Variants in DYM observed in about 807,000 individuals in gnomAD.
DYM encodes the protein dymeclin, also known as dyggve-Melchior-Clausen syndrome protein.
Under a neutral mutation model 93.1 loss-of-function variants are expected in DYM, and 78 were observed. That is an observed-to-expected ratio of 0.84 (90% CI 0.70 to 1.01). The LOEUF (loss-of-function observed/expected upper bound fraction) is 1.01, where lower values mean the gene tolerates loss of function less well. Ranked by LOEUF, DYM falls within the 50% of genes least tolerant of loss-of-function variation. The pLI is 0.00. For synonymous variants in DYM, 321 were observed against 319.7 expected (o/e 1.00, Z -0.04); for missense variants, 789 against 845.0 (o/e 0.93, Z 0.82).
At chr18:49,185,039 T>C (rs962641749) in intron 14 of DYM, among the ~76,000 whole-genome samples, 90 of 152,274 alleles carry the variant, frequency 5.9e-4, no homozygotes, top group African/African-American at 2.1e-3. Context: ...GACCTGAAGA[T>C]GCTGTGTGTG....
intron 13 of DYM, among the ~76,000 whole-genome samples, chr18:49,218,823 C>A (rs1357700775): frequency 6.6e-6 from 1 of 152,100 alleles, no homozygotes; most frequent in African/African-American, 2.4e-5. Context: ...AAAATTGACA[C>A]CCTAACATCA....
In DYM at chr18:49,118,751, A is replaced by G. The variant is rs1213729222; in HGVS notation, c.1904T>C (p.Ile635Thr). The change falls in exon 16 of 18, where the codon ATT (isoleucine) becomes ACT (threonine). Residue 635 changes from isoleucine to threonine, a missense_variant. Around this residue, in one of 3 missense-constraint regions of DYM, gnomAD observed 114 missense variants for 105.8 expected, o/e 1.08. Coordinates refer to ENST00000675505, the MANE Select transcript of DYM (RefSeq NM_001353214.3). The stretch of plus-strand genomic sequence containing the variant: ...GTCTTCATTTACACTCACCAGATCA[A>G]TATTTTGCATTATATCCTGAAATGA... ...HPSFQDIMQN[I>T]DLVISFFSSR... 4.3e-6 allele frequency: 7 copies of G among 1,613,590 alleles called. No homozygotes were observed. Among genetic ancestry groups the G allele is most frequent in the Admixed American group, 1.7e-5 (1 of 59,994 alleles).
chr18:49,223,137 A>T (rs746338740), intron 13 of DYM, among the ~76,000 whole-genome samples: 8 of 152,132 alleles, frequency 5.3e-5, no homozygotes, highest in Non-Finnish European at 7.4e-5. Context: ...GAACAAATTG[A>T]AGGACACAGG....
At chr18:49,203,278 G>T (rs2092245141) in intron 14 of DYM, among the ~76,000 whole-genome samples, 1 of 55,676 alleles carries the variant, frequency 1.8e-5, no homozygotes, top group African/African-American at 4.9e-5. Context: ...AGGAGGTGAG[G>T]GGCGCCTCTG....
chr18:49,296,862 T>C (rs1196567925), intron 8 of DYM, among the ~76,000 whole-genome samples: 1 of 152,218 alleles, frequency 6.6e-6, no homozygotes, highest in East Asian at 1.9e-4. Context: ...TATGATCATC[T>C]GCACCACTGT....
At chr18:49,258,605 G>T in intron 11 of DYM, 112 bp from the exon 12 acceptor site, 1 of 735,562 alleles carries the variant, frequency 1.4e-6, no homozygotes, top group East Asian at 2.7e-5. Context: ...GGTGAGTTAA[G>T]CAGCACAGAC....
intron 17 of DYM, among the ~76,000 whole-genome samples, chr18:49,064,223 G>C (rs1248339000): frequency 6.6e-6 from 1 of 152,070 alleles, no homozygotes; most frequent in African/African-American, 2.4e-5. Context: ...TGCCATGCCT[G>C]GAAAAGTAGC....
chr18:49,441,055 T>TATA (rs1568452935), intron 1 of DYM, among the ~76,000 whole-genome samples: 1 of 7,318 alleles, frequency 1.4e-4, no homozygotes, highest in African/African-American at 3.3e-4. Flanking sequence ...TATAATATAT[T>TATA]TATATATATT....
chr18:49,300,866 T>TA (rs2060888714), intron 8 of DYM, among the ~76,000 whole-genome samples: 2 of 152,184 alleles, frequency 1.3e-5, no homozygotes, highest in South Asian at 4.1e-4. Context: ...CTTGAGTAAC[T>TA]ACTACTCCCT....
At chr18:49,071,629 G>T (rs773844777) in intron 17 of DYM, among the ~76,000 whole-genome samples, 1 of 152,210 alleles carries the variant, frequency 6.6e-6, no homozygotes, top group Non-Finnish European at 1.5e-5. Flanking sequence ...AGCTACAACA[G>T]TCAAGGGTAA....
chr18:49,374,412 C>T (rs755925065), intron 5 of DYM, among the ~76,000 whole-genome samples: 11 of 152,122 alleles, frequency 7.2e-5, no homozygotes, highest in Non-Finnish European at 1.0e-4. Flanking sequence ...TCTTATGTTC[C>T]TTTCCTACTT....
rs576037715 is a variant in DYM, at chr18:49,224,537, C to T, written c.1461-14822G>A. On this transcript the variant is annotated intron_variant, in intron 13 of 17. Transcript: ENST00000675505. ...TGATGGTATTAGGAGGTGGGGTCTT[C>T]GGGAAGGCATTAGGATTAGGTGAGG... Among the ~76,000 whole-genome samples the T allele has an allele frequency of 4.3e-4, 66 of 152,006 alleles. 2 individuals are homozygous for T. In the South Asian group the frequency reaches 6.9e-3, roughly 16 times the overall value.
chr18:49,314,073 C>T (rs2061774383), intron 8 of DYM, among the ~76,000 whole-genome samples: 1 of 152,162 alleles, frequency 6.6e-6, no homozygotes, highest in Non-Finnish European at 1.5e-5. Flanking sequence ...GCCAGGCCAA[C>T]TAGGGATAGG....
intron 1 of DYM, among the ~76,000 whole-genome samples, chr18:49,435,063 C>T (rs1236847212): frequency 6.6e-6 from 1 of 150,884 alleles, no homozygotes; most frequent in Non-Finnish European, 1.5e-5. Flanking sequence ...CAAAAATTAG[C>T]ACAGCATGGT....
intron 13 of DYM, among the ~76,000 whole-genome samples, chr18:49,246,823 T>C (rs1408046355): frequency 6.6e-6 from 1 of 152,128 alleles, no homozygotes; most frequent in African/African-American, 2.4e-5. Context: ...TTAAATACAA[T>C]GCATTAGCAA....
At chr18:49,457,746 G>C (rs1424848271) in intron 1 of DYM, among the ~76,000 whole-genome samples, 1 of 152,174 alleles carries the variant, frequency 6.6e-6, no homozygotes, top group Non-Finnish European at 1.5e-5. Context: ...CTTTGCAGGC[G>C]TGATTAAATT....
At chr18:49,303,243 T>G (rs1424746140) in intron 8 of DYM, among the ~76,000 whole-genome samples, 1 of 152,226 alleles carries the variant, frequency 6.6e-6, no homozygotes, top group African/African-American at 2.4e-5. Context: ...GCCCCTTTCT[T>G]TATGGTTCAT....
intron 6 of DYM, among the ~76,000 whole-genome samples, chr18:49,338,082 A>T (rs1330356202): frequency 6.6e-6 from 1 of 152,212 alleles, no homozygotes; most frequent in Non-Finnish European, 1.5e-5. Flanking sequence ...AAAAATCAAG[A>T]AACTATTCAA....
intron 11 of DYM, among the ~76,000 whole-genome samples, chr18:49,260,241 G>A (rs774011824): frequency 2.6e-4 from 40 of 152,320 alleles, no homozygotes; most frequent in Non-Finnish European, 3.8e-4. Flanking sequence ...TTAGCCGGGT[G>A]TAGTAGTGTA....
Sources: gnomAD v4.1 joint callset for allele counts (sites outside exome capture counted in the v4.1 genomes callset) on GRCh38, gnomAD v4.1.1 for gene constraint, gnomAD v4.1.1 regional missense constraint, MANE v1.5 for transcripts, NCBI Gene and HGNC (gene_info 2026-07-23, HGNC 2026-07-21) for gene names.